KALRN: variants seen among roughly 807,000 people sequenced by gnomAD.
The protein encoded by KALRN is kalirin.
KALRN carries 70 observed loss-of-function variants against 353.7 expected under a neutral mutation model. The ratio of observed to expected loss-of-function variants is 0.20; its 90% CI spans 0.16 to 0.24. The LOEUF (loss-of-function observed/expected upper bound fraction) is 0.24. Among genes scored for constraint, KALRN ranks in the 10% least tolerant of loss-of-function variants. The pLI is 1.00. For missense variants in KALRN, 2,791 were observed against 3,756.7 expected (o/e 0.74, Z 6.72); for synonymous variants, 1,391 against 1,434.8 (o/e 0.97, Z 0.69).
intron 1 of KALRN, among the ~76,000 whole-genome samples, chr3:124,044,809 C>T (rs1342669048): frequency 6.7e-6 from 1 of 150,132 alleles, no homozygotes; most frequent in Non-Finnish European, 1.5e-5. Flanking sequence ...AAATCATGAA[C>T]ACTGATTCCT....
At chr3:124,105,647 A>G (rs921765380) in intron 1 of KALRN, among the ~76,000 whole-genome samples, 5 of 152,328 alleles carry the variant, frequency 3.3e-5, no homozygotes, top group African/African-American at 1.2e-4. Flanking sequence ...CTTTGGTGAC[A>G]GAAGGCATTG....
Position 124,644,228 on chromosome 3 carries a change from A to G in KALRN, c.5665-6580A>G, listed in dbSNP as rs1375201331. Among the ~76,000 whole-genome samples, 4 of 152,198 alleles carry G rather than the reference A, an allele frequency of 2.6e-5. No individual in the cohort carries two copies. The South Asian group carries it at 8.3e-4, about 32-fold the overall frequency. On this transcript the variant is annotated intron_variant, in intron 37 of 59. Coordinates refer to ENST00000682506, the MANE Select transcript of KALRN (RefSeq NM_001388419.1). ...TTTTAAAAAAATATTCCACATATAA[A>G]TGAGATCATGCAATATTTTTCTTTC...
At chr3:124,557,392 G>A (rs1379366502) in intron 33 of KALRN, among the ~76,000 whole-genome samples, 1 of 152,208 alleles carries the variant, frequency 6.6e-6, no homozygotes, top group Non-Finnish European at 1.5e-5. Context: ...GCATTTGGAA[G>A]GGAATCATAG....
intron 1 of KALRN, among the ~76,000 whole-genome samples, chr3:124,052,625 T>C (rs1332676534): frequency 6.6e-6 from 1 of 152,124 alleles, no homozygotes; most frequent in Non-Finnish European, 1.5e-5. Flanking sequence ...TTGGCTCTCT[T>C]ACATTTCCTT....
chr3:124,140,167 A>C (rs1399868280), intron 1 of KALRN, among the ~76,000 whole-genome samples: 2 of 152,182 alleles, frequency 1.3e-5, no homozygotes, highest in Non-Finnish European at 2.9e-5. Flanking sequence ...AATATGGCCA[A>C]TGATTCCACC....
At chr3:124,618,403 C>A (rs1432547278) in intron 34 of KALRN, among the ~76,000 whole-genome samples, 1 of 152,082 alleles carries the variant, frequency 6.6e-6, no homozygotes, top group Non-Finnish European at 1.5e-5. Context: ...GCGTGAGCCA[C>A]CGCGCCCAGC....
rs1464416153 is a variant in KALRN, at chr3:124,268,859, C to G, written c.573C>G (p.Ser191=). Residue 191 remains serine (S), a synonymous_variant, in exon 5 of 60, where the codon TCC becomes TCG. Transcript: ENST00000682506. ...NHEEWIELRL[S]LEEFFNSAVH... The stretch of plus-strand genomic sequence containing the variant: ...AGGAGTGGATCGAACTGCGGCTCTC[C>G]CTGGAGGAGTTCTTCAACAGCGCCG... The G allele has an allele frequency of 1.9e-6, 3 of 1,614,094 alleles. No homozygotes were observed. In the East Asian group the frequency reaches 6.7e-5, roughly 36 times the overall value.
intron 47 of KALRN, 79 bp downstream of exon 47, chr3:124,667,262 T>G: frequency 7.8e-7 from 1 of 1,276,620 alleles, no homozygotes; most frequent in Non-Finnish European, 1.1e-6. Context: ...TCTAGGTTCA[T>G]GTTGAGTTAT....
At chr3:124,199,710 G>C (rs918331362) in intron 1 of KALRN, among the ~76,000 whole-genome samples, 52 of 152,134 alleles carry the variant, frequency 3.4e-4, no homozygotes, top group Non-Finnish European at 1.5e-4. Context: ...CCATTGGAGG[G>C]GTATGTGGCT....
At chr3:124,605,594 G>GAGAGAA (rs1451991447) in intron 34 of KALRN, among the ~76,000 whole-genome samples, 1 of 139,338 alleles carries the variant, frequency 7.2e-6, no homozygotes, top group East Asian at 2.4e-4. Flanking sequence ...AAAAGAGAGA[G>GAGAGAA]AGAGAATAGG....
chr3:124,541,286 C>T (rs950782645), intron 33 of KALRN, among the ~76,000 whole-genome samples: 14 of 151,684 alleles, frequency 9.2e-5, no homozygotes, highest in African/African-American at 3.4e-4. Context: ...CCCATCTCTA[C>T]TGAAAATACA....
At chr3:124,291,639 G>A (rs936911548) in intron 5 of KALRN, among the ~76,000 whole-genome samples, 12 of 152,184 alleles carry the variant, frequency 7.9e-5, no homozygotes, top group Non-Finnish European at 1.3e-4. Context: ...TATGGAAGGT[G>A]TAAGAAATGA....
At chr3:124,350,692 T>A (rs922426138) in intron 10 of KALRN, among the ~76,000 whole-genome samples, 1 of 152,202 alleles carries the variant, frequency 6.6e-6, no homozygotes, top group Non-Finnish European at 1.5e-5. Flanking sequence ...GCCCTTCCAA[T>A]GAGTAATCCA....
At chr3:124,190,822 G>A (rs1291171106) in intron 1 of KALRN, among the ~76,000 whole-genome samples, 1 of 152,152 alleles carries the variant, frequency 6.6e-6, no homozygotes, top group African/African-American at 2.4e-5. Context: ...CACCAACTGG[G>A]TGCCCTATAA....
chr3:124,458,396 T>C (rs1318917071), intron 23 of KALRN, among the ~76,000 whole-genome samples: 1 of 152,170 alleles, frequency 6.6e-6, no homozygotes, highest in Non-Finnish European at 1.5e-5. Flanking sequence ...ATTGATTCTT[T>C]AAAATCCAGC....
intron 34 of KALRN, chr3:124,584,687 C>G: frequency 7.0e-7 from 1 of 1,433,214 alleles, no homozygotes; most frequent in Non-Finnish European, 9.1e-7. Context: ...GAGCTGCGGC[C>G]GCGGTGCGGG....
intron 34 of KALRN, among the ~76,000 whole-genome samples, chr3:124,587,687 C>G (rs1245576935): frequency 7.3e-6 from 1 of 136,632 alleles, no homozygotes; most frequent in Admixed American, 7.2e-5. Context: ...TCCCTCCACC[C>G]CCACCCTCCA....
chr3:124,677,107 C>G (rs996593322), intron 49 of KALRN, among the ~76,000 whole-genome samples: 1 of 152,158 alleles, frequency 6.6e-6, no homozygotes, highest in African/African-American at 2.4e-5. Context: ...CTTCCTTTTC[C>G]TAAATCTCCT....
At chr3:124,236,223 G>T (rs757476962) in intron 3 of KALRN, among the ~76,000 whole-genome samples, 1 of 152,104 alleles carries the variant, frequency 6.6e-6, no homozygotes, top group South Asian at 2.1e-4. Flanking sequence ...AGGGATTTGG[G>T]TTATATCTGA....
Sources: allele counts gnomAD v4.1 joint callset (sites outside exome capture counted in the v4.1 genomes callset), GRCh38; gene constraint gnomAD v4.1.1; transcripts MANE v1.5; gene names NCBI Gene and HGNC (gene_info 2026-07-23, HGNC 2026-07-21).